Variants in RBBP5 observed in about 807,000 individuals in gnomAD.
RBBP5 encodes the protein retinoblastoma-binding protein 5.
Under a neutral mutation model 72.2 loss-of-function variants are expected in RBBP5, and 5 were observed. That is an observed-to-expected ratio of 0.07 (90% CI 0.04 to 0.15). The LOEUF (loss-of-function observed/expected upper bound fraction) is 0.15, where lower values mean the gene tolerates loss of function less well. Ranked by LOEUF, RBBP5 falls within the 10% of genes least tolerant of loss-of-function variation. The pLI is 1.00. For missense variants in RBBP5, 322 were observed against 652.2 expected, an observed-to-expected ratio of 0.49 and a Z score of 5.51; for synonymous variants, 209 against 237.2, an observed-to-expected ratio of 0.88 and a Z score of 1.09.
intron 2 of RBBP5, among the ~76,000 whole-genome samples, 171 bp from the exon 3 acceptor site, chr1:205,115,132 C>T (rs1319959871): frequency 6.6e-6 from 1 of 152,142 alleles, no homozygotes; most frequent in Non-Finnish European, 1.5e-5. Context: ...AATGAAGGAA[C>T]ATTTATTAAA....
Position 205,088,700 on chromosome 1 carries a change from A to G in RBBP5, c.*87T>C. 1 of 1,420,256 alleles carries G rather than the reference A, an allele frequency of 7.0e-7. No homozygotes were observed. Among genetic ancestry groups the G allele is most frequent in the Non-Finnish European group, 9.7e-7 (1 of 1,029,192 alleles). 88.0% of individuals were successfully genotyped at this position (1,420,256 alleles called of 1,614,324 possible). A position where few individuals can be genotyped will look rare whatever the true frequency, so the allele number is the denominator to read the frequency against. ...TGGGAGGCACAGGCCTTTGTTTTAA[A>G]TTAAAGTCAATTTTCAAATGACTGA... On this transcript the variant is annotated 3_prime_UTR_variant, in exon 14 of 14. Coordinates refer to ENST00000264515, the MANE Select transcript of RBBP5 (RefSeq NM_005057.4).
At chr1:205,110,386 A>G (rs548815927) in intron 3 of RBBP5, among the ~76,000 whole-genome samples, 9 of 152,232 alleles carry the variant, frequency 5.9e-5, no homozygotes, top group African/African-American at 2.2e-4. Context: ...CAACTTTACT[A>G]ATAGTTGAAG....
In RBBP5 at chr1:205,096,117, C is replaced by T. The variant is rs184744846; in HGVS notation, c.1396+565G>A. Among the ~76,000 whole-genome samples, 277 of 152,098 alleles carry T rather than the reference C, an allele frequency of 1.8e-3. 1 individual carries two copies. Among genetic ancestry groups the T allele is most frequent in the African/African-American group, 6.3e-3 (261 of 41,474 alleles). On this transcript the variant is annotated intron_variant, in intron 12 of 13. Transcript: ENST00000264515. Reference sequence around the variant, plus strand: ...CTGAGGCAGGAGAATTGATTGAACCCGGGAGGCGGAGGTTGCAGTGAACCA... The same window carrying T: ...CTGAGGCAGGAGAATTGATTGAACCTGGGAGGCGGAGGTTGCAGTGAACCA...
chr1:205,100,292 T>A (rs748186045), intron 6 of RBBP5, 21 bp from the exon 7 acceptor site: 4 of 1,611,798 alleles, frequency 2.5e-6, no homozygotes, highest in Admixed American at 1.7e-5. Context: ...GATAAAAATA[T>A]CAACACCAGA....
chr1:205,092,495 G>A (rs1474252128), intron 13 of RBBP5, among the ~76,000 whole-genome samples: 2 of 152,020 alleles, frequency 1.3e-5, no homozygotes, highest in African/African-American at 2.4e-5. Flanking sequence ...TACCCAGGCT[G>A]GAGTGCAACG....
rs569706354 is a variant in RBBP5, at chr1:205,086,698, T to C, written c.*2089A>G. The C allele has an allele frequency of 6.6e-6, 1 of 152,228 alleles. No homozygotes were observed. The highest frequency in any genetic ancestry group is 1.5e-5 in the Non-Finnish European group (1 of 68,008). 9.4% of individuals were successfully genotyped at this position (152,228 alleles called of 1,614,324 possible). ...AAATTCCAAAAACATAAATAATTAT[T>C]AGGAGCTACTGCCAGAGACAATCTG... On this transcript the variant is annotated 3_prime_UTR_variant, in exon 14 of 14. Transcript: ENST00000264515.
rs1297540597 is a variant in RBBP5 at position 205,107,024 on chromosome 1, A to ATG, written c.219-1858_219-1857dup. ...AAAATTACCATAGACATATATATAT[A>ATG]TGTGTCTGTGTGTATATATGTGTGT... On this transcript the variant is annotated intron_variant, in intron 3 of 13. Transcript: ENST00000264515. Among the ~76,000 whole-genome samples the ATG allele has an allele frequency of 4.6e-5, 7 of 151,730 alleles. No homozygotes were observed. The South Asian group carries it at 8.3e-4, about 18-fold the overall frequency.
chr1:205,086,607 C>T lies in RBBP5; in HGVS notation c.*2180G>A, dbSNP rs1244482396. On this transcript the variant is annotated 3_prime_UTR_variant, in exon 14 of 14. Coordinates refer to ENST00000264515, the MANE Select transcript of RBBP5 (RefSeq NM_005057.4). ...TGACAAAAAGGAAGAAGAGAATATA[C>T]ATATATTGTACAAATCAAATAATTC... The T allele has an allele frequency of 3.3e-5, 5 of 151,864 alleles. No homozygotes were observed. 9.4% of individuals were successfully genotyped at this position (151,864 alleles called of 1,614,324 possible). A position where few individuals can be genotyped will look rare whatever the true frequency, so the allele number is the denominator to read the frequency against.
At chr1:205,121,796 G>A in intron 1 of RBBP5, 59 bp downstream of exon 1, 1 of 1,610,356 alleles carries the variant, frequency 6.2e-7, no homozygotes, top group South Asian at 1.1e-5. Flanking sequence ...CCTCCCGCCT[G>A]GGTTCCCTCC....
chr1:205,097,270 C>T, intron 11 of RBBP5, 56 bp downstream of exon 11: 1 of 1,495,820 alleles, frequency 6.7e-7, no homozygotes, highest in Non-Finnish European at 9.1e-7. Context: ...CAGAGTACTC[C>T]CCCAGAGGCC....
intron 3 of RBBP5, 131 bp downstream of exon 3, chr1:205,114,658 C>A: frequency 1.1e-6 from 1 of 900,102 alleles, no homozygotes. Context: ...CTACATAAAC[C>A]ATGATAAACT....
At chr1:205,100,335 G>T in intron 6 of RBBP5, 64 bp from the exon 7 acceptor site, 1 of 1,560,734 alleles carries the variant, frequency 6.4e-7, no homozygotes, top group South Asian at 1.2e-5. Flanking sequence ...ACTACAAAAC[G>T]ACTAATAAAC....
chr1:205,102,583 G>A (rs1655878004), intron 5 of RBBP5, among the ~76,000 whole-genome samples: 1 of 152,164 alleles, frequency 6.6e-6, no homozygotes, highest in African/African-American at 2.4e-5. Flanking sequence ...TCTAAAGATG[G>A]ATGGTGATCA....
chr1:205,119,006 T>C (rs1298985853), intron 1 of RBBP5, among the ~76,000 whole-genome samples: 1 of 152,242 alleles, frequency 6.6e-6, no homozygotes, highest in Admixed American at 6.5e-5. Context: ...TCTATAATCA[T>C]TAACTTTCTC....
chr1:205,111,700 AATCTCTTTTCTACTTGTTGCTTTGAAG>A (rs1656320933), intron 3 of RBBP5, among the ~76,000 whole-genome samples: 1 of 152,166 alleles, frequency 6.6e-6, no homozygotes, highest in Non-Finnish European at 1.5e-5. Flanking sequence ...TTGCCCCTTC[AATCTCTTTTCTACTTGTTGCTTTGAAG>A]ATCTTTCTAA....
chr1:205,115,075 T>C, intron 2 of RBBP5, 114 bp from the exon 3 acceptor site: 1 of 943,798 alleles, frequency 1.1e-6, no homozygotes, highest in Non-Finnish European at 1.6e-6. Flanking sequence ...TTACACTGCA[T>C]ACCAAATAAT....
chr1:205,113,554 C>T (rs989099988), intron 3 of RBBP5, among the ~76,000 whole-genome samples: 5 of 152,146 alleles, frequency 3.3e-5, no homozygotes, highest in Middle Eastern at 3.4e-3. Context: ...CATGAGCCAA[C>T]GCATCTCGCC....
At chr1:205,111,830 C>T (rs6692582) in intron 3 of RBBP5, among the ~76,000 whole-genome samples, 15,407 of 152,090 alleles carry the variant, frequency 0.1, 1,436 homozygotes, top group African/African-American at 0.24. Context: ...GTATGGCAGA[C>T]GAGGTTCTCC....
chr1:205,106,799 C>T (rs1028729550), intron 3 of RBBP5, among the ~76,000 whole-genome samples: 2 of 152,008 alleles, frequency 1.3e-5, no homozygotes, highest in Non-Finnish European at 2.9e-5. Context: ...CATAAAAATG[C>T]TTCAACAATT....
Sources: allele counts gnomAD v4.1 joint callset (sites outside exome capture counted in the v4.1 genomes callset), GRCh38; gene constraint gnomAD v4.1.1; transcripts MANE v1.5; gene names NCBI Gene and HGNC (gene_info 2026-07-23, HGNC 2026-07-21).